The following PAK2 variants were observed in gnomAD, a reference collection of about 807,000 sequenced individuals.
The protein encoded by PAK2 is p21 (RAC1) activated kinase 2.
In PAK2, 21 loss-of-function variants were observed where a neutral mutation model predicts 65.9. That is an observed-to-expected ratio of 0.32 (90% CI 0.23 to 0.46). PAK2 has a LOEUF of 0.46. Ranked by LOEUF, PAK2 falls within the 20% of genes least tolerant of loss-of-function variation. The probability of loss-of-function intolerance (pLI) is 1.00; values close to 1 mark genes in which losing one functional copy is unlikely to be tolerated. For missense variants in PAK2, 324 were observed against 642.6 expected, an observed-to-expected ratio of 0.50 and a Z score of 5.36; for synonymous variants, 204 against 219.7, an observed-to-expected ratio of 0.93 and a Z score of 0.63.
chr3:196,755,701 G>A (rs1240206601), intron 1 of PAK2, among the ~76,000 whole-genome samples: 4 of 151,872 alleles, frequency 2.6e-5, no homozygotes, highest in East Asian at 1.9e-4. Context: ...CAGGTGATCC[G>A]CCTGCCTCAG....
rs970812880 is a variant in PAK2 at position 196,780,978 on chromosome 3, C to T, written c.-21-1648C>T. On this transcript the variant is annotated intron_variant, in intron 1 of 14. Coordinates refer to ENST00000327134, the MANE Select transcript of PAK2 (RefSeq NM_002577.4). ...TAACTTTTTGTGTGTTTAGTAGAGA[C>T]GGGGTTTCACCATGTTAGCCAGGAT... is the stretch of plus-strand genomic sequence containing the variant. 7.9e-5 allele frequency among the ~76,000 whole-genome samples: 12 copies of T among 152,014 alleles called. No homozygotes were observed. In the South Asian group the frequency reaches 8.3e-4, roughly 11 times the overall value.
At chr3:196,793,360 G>A (rs960964981) in intron 2 of PAK2, among the ~76,000 whole-genome samples, 3 of 152,132 alleles carry the variant, frequency 2.0e-5, no homozygotes, top group African/African-American at 7.2e-5. Context: ...CCTGCAGCCT[G>A]ACTCACAGCC....
intron 13 of PAK2, among the ~76,000 whole-genome samples, chr3:196,823,280 G>A (rs569113047): frequency 2.6e-5 from 4 of 152,226 alleles, no homozygotes; most frequent in East Asian, 1.9e-4. Context: ...AAAGACTAAC[G>A]GGATCTGTTC....
At chr3:196,799,466 G>A (rs1022899576) in intron 2 of PAK2, among the ~76,000 whole-genome samples, 4 of 152,074 alleles carry the variant, frequency 2.6e-5, no homozygotes, top group South Asian at 2.1e-4. Context: ...GAGTGCTCAC[G>A]GATGGACTCA....
rs947927361 is a variant in PAK2 at position 196,768,576 on chromosome 3, A to G, written c.-21-14050A>G. ...AGGCTGGAGTGCAGTGGCAACCCCA[A>G]CCTCCTGGGCTCAAGTGATCTTCCT... is the stretch of plus-strand genomic sequence containing the variant. On this transcript the variant is annotated intron_variant, in intron 1 of 14. Transcript: ENST00000327134. Among the ~76,000 whole-genome samples the G allele has an allele frequency of 3.3e-5, 5 of 151,926 alleles. No individual in the cohort carries two copies. The East Asian group carries it at 7.7e-4, about 23-fold the overall frequency.
At chr3:196,804,992 G>A (rs1355551875) in intron 4 of PAK2, among the ~76,000 whole-genome samples, 1 of 152,010 alleles carries the variant, frequency 6.6e-6, no homozygotes, top group Non-Finnish European at 1.5e-5. Context: ...GTTTTCTGGA[G>A]AAAGTATCTT....
At chr3:196,740,732 T>G (rs1684470) in intron 1 of PAK2, among the ~76,000 whole-genome samples, 108,124 of 152,048 alleles carry the variant, frequency 0.71, 38,566 homozygotes, top group Non-Finnish European at 0.72. Flanking sequence ...GCTTACGAAC[T>G]GATCTTTCGG....
At chr3:196,747,193 A>G (rs1270580166) in intron 1 of PAK2, 3 of 151,016 alleles carry the variant, frequency 2.0e-5, no homozygotes, top group Non-Finnish European at 4.4e-5. Context: ...GTTGTTAACA[A>G]TGTTAACATT....
intron 1 of PAK2, among the ~76,000 whole-genome samples, chr3:196,755,113 G>A (rs866463058): frequency 1.3e-5 from 2 of 152,122 alleles, no homozygotes; most frequent in Non-Finnish European, 2.9e-5. Context: ...TGGAGATTTG[G>A]GACAGACTAC....
intron 1 of PAK2, among the ~76,000 whole-genome samples, chr3:196,775,092 G>A (rs112721191): frequency 8.4e-4 from 128 of 152,156 alleles, no homozygotes; most frequent in Non-Finnish European, 1.6e-3. Flanking sequence ...GTCACTCGTG[G>A]TATATTAGAA....
At chr3:196,773,377 C>T (rs76998438) in intron 1 of PAK2, among the ~76,000 whole-genome samples, 4,061 of 152,118 alleles carry the variant, frequency 0.027, 69 homozygotes, top group Middle Eastern at 0.068. Flanking sequence ...ATAAGATGAA[C>T]ATAAGGAACC....
chr3:196,810,525 A>G, intron 7 of PAK2, 65 bp from the exon 8 acceptor site: 1 of 838,738 alleles, frequency 1.2e-6, no homozygotes, highest in Non-Finnish European at 2.1e-6. Context: ...AAAAGGAATA[A>G]TAATATCACA....
intron 1 of PAK2, among the ~76,000 whole-genome samples, chr3:196,762,391 C>T (rs1333622649): frequency 2.8e-5 from 4 of 144,624 alleles, no homozygotes; most frequent in East Asian, 4.0e-4. Context: ...CGCCACTGCA[C>T]TCCAGCCTGG....
rs1715180892 is a variant in PAK2, at chr3:196,794,468, C to T, written c.188-7459C>T. Among the ~76,000 whole-genome samples the T allele has an allele frequency of 2.0e-5, 3 of 152,332 alleles. No homozygotes were observed. In the Middle Eastern group the frequency reaches 0.01, roughly 518 times the overall value. Reference sequence around the variant, plus strand: ...CTTCCGTATCTGCAACACCCGTTCCCCCTGTCCGCCTGGCGCCAAGTGTGG... The same window carrying T: ...CTTCCGTATCTGCAACACCCGTTCCTCCTGTCCGCCTGGCGCCAAGTGTGG... On this transcript the variant is annotated intron_variant, in intron 2 of 14. Coordinates refer to ENST00000327134, the MANE Select transcript of PAK2 (RefSeq NM_002577.4).
intron 2 of PAK2, among the ~76,000 whole-genome samples, chr3:196,790,500 C>G (rs960134337): frequency 2.6e-5 from 4 of 152,108 alleles, no homozygotes; most frequent in Non-Finnish European, 5.9e-5. Flanking sequence ...TGGTGAACCT[C>G]CCGTAGATGG....
intron 1 of PAK2, among the ~76,000 whole-genome samples, chr3:196,766,346 C>T (rs532121456): frequency 3.3e-4 from 50 of 152,230 alleles, no homozygotes; most frequent in African/African-American, 1.2e-3. Flanking sequence ...CGGTCATAAT[C>T]TGGTTAATGA....
chr3:196,807,164 A>G (rs905379640), intron 6 of PAK2, among the ~76,000 whole-genome samples: 1 of 152,180 alleles, frequency 6.6e-6, no homozygotes, highest in South Asian at 2.1e-4. Flanking sequence ...TGGAGCCAGG[A>G]AGAGAGGAAT....
chr3:196,764,382 A>C (rs1399088883), intron 1 of PAK2, among the ~76,000 whole-genome samples: 5 of 152,054 alleles, frequency 3.3e-5, no homozygotes, highest in Non-Finnish European at 7.4e-5. Flanking sequence ...TTGGGAGACC[A>C]AGACGGGCAG....
At position 196,831,283 on chromosome 3, in the gene PAK2, C is replaced by T. The variant is rs150074324; in HGVS notation, c.*2878C>T. The T allele has an allele frequency of 6.6e-6, 1 of 152,180 alleles. No individual in the cohort carries two copies. Among genetic ancestry groups the T allele is most frequent in the African/African-American group, 2.4e-5 (1 of 41,526 alleles). The allele number at this position is 152,180 out of a possible 1,614,324, so 9.4% of individuals were successfully genotyped here. On this transcript the variant is annotated 3_prime_UTR_variant, in exon 15 of 15. Coordinates refer to ENST00000327134, the MANE Select transcript of PAK2 (RefSeq NM_002577.4). Reference sequence around the variant, plus strand: ...TAAATCTGAAAGTTACCTTAATAGTCCTCTTGTGTTATTAGGACAGTATTA... The same window carrying T: ...TAAATCTGAAAGTTACCTTAATAGTTCTCTTGTGTTATTAGGACAGTATTA...
Sources: gnomAD v4.1 joint callset for allele counts (sites outside exome capture counted in the v4.1 genomes callset) on GRCh38, gnomAD v4.1.1 for gene constraint, MANE v1.5 for transcripts, NCBI Gene and HGNC (gene_info 2026-07-23, HGNC 2026-07-21) for gene names.